Variants in DST observed in about 807,000 individuals in gnomAD.
DST encodes bullous pemphigoid antigen.
Under a neutral mutation model 875.2 loss-of-function variants are expected in DST, and 253 were observed. The observed-to-expected ratio is 0.29, with a 90% CI of 0.26 to 0.32. The LOEUF (loss-of-function observed/expected upper bound fraction) is 0.32. Among genes scored for constraint, DST ranks in the 10% least tolerant of loss-of-function variants. The pLI, the probability that DST is intolerant of heterozygous loss-of-function variation, is 1.00. For missense variants in DST, 8,287 were observed against 9,111.6 expected (o/e 0.91, Z 3.68); for synonymous variants, 3,124 against 3,197.1 (o/e 0.98, Z 0.77).
intron 48 of DST, among the ~76,000 whole-genome samples, chr6:56,592,689 G>A (rs886238867): frequency 3.2e-4 from 49 of 152,132 alleles, no homozygotes; most frequent in African/African-American, 8.9e-4. Flanking sequence ...TATAGATATC[G>A]ATTTGATGGA....
At chr6:56,539,409 ATAAC>A (rs1349550098) in intron 61 of DST, among the ~76,000 whole-genome samples, 8 of 152,242 alleles carry the variant, frequency 5.3e-5, no homozygotes, top group Non-Finnish European at 1.0e-4. Flanking sequence ...AGAAAAAGGC[ATAAC>A]TAACAAGAAC....
intron 79 of DST, 91 bp downstream of exon 79, chr6:56,501,428 GA>G (rs2096120679): frequency 1.7e-6 from 2 of 1,179,790 alleles, no homozygotes; most frequent in Non-Finnish European, 2.3e-6. Flanking sequence ...ATGAGAAGCA[GA>G]AATAATTCTA....
chr6:56,503,627 A>ACACACACACC (rs1478684126), intron 78 of DST, among the ~76,000 whole-genome samples: 243 of 149,532 alleles, frequency 1.6e-3, no homozygotes, highest in East Asian at 5.9e-3. Context: ...ACACACACAC[A>ACACACACACC]CCCCATGTCC....
intron 4 of DST, among the ~76,000 whole-genome samples, chr6:56,762,371 G>C (rs943481493): frequency 6.6e-6 from 1 of 152,146 alleles, no homozygotes; most frequent in Admixed American, 6.5e-5. Context: ...AATCATCTCA[G>C]AATGGCCTAC....
At position 56,508,568 on chromosome 6, in the gene DST, A is replaced by G. The variant is rs943150663; in HGVS notation, c.19200T>C (p.Ile6400=). The G allele has an allele frequency of 6.2e-7, 1 of 1,613,790 alleles. No individual in the cohort carries two copies. ...GCTGTTGTTTTACTACTGAAGGATC[A>G]ATTCCAGGATCTTCCAGGTCCCGGA... ...DFIRDLEDPG[I]DPSVVKQQQE... Residue 6400 remains isoleucine (I), a synonymous_variant, in exon 75 of 104, where the codon ATT becomes ATC. Transcript: ENST00000680361.
chr6:56,502,854 A>G (rs943495786), intron 78 of DST, among the ~76,000 whole-genome samples: 1 of 152,180 alleles, frequency 6.6e-6, no homozygotes, highest in African/African-American at 2.4e-5. Context: ...ATATTTTCAC[A>G]TAAAATCTAG....
At chr6:56,850,147 C>T (rs1764337939) in intron 4 of DST, among the ~76,000 whole-genome samples, 2 of 152,198 alleles carry the variant, frequency 1.3e-5, no homozygotes, top group South Asian at 4.2e-4. Flanking sequence ...CTTTCTCACT[C>T]CACCCCTTGC....
At chr6:56,816,679 G>A (rs1258765460) in intron 4 of DST, among the ~76,000 whole-genome samples, 4 of 152,152 alleles carry the variant, frequency 2.6e-5, no homozygotes, top group Non-Finnish European at 5.9e-5. Flanking sequence ...CAGGACTGAG[G>A]TGGCAGTAGT....
Position 56,527,610 on chromosome 6 carries a change from C to T in DST, c.17805G>A (p.Leu5935=). 1.2e-6 allele frequency: 2 copies of T among 1,613,832 alleles called. No individual in the cohort carries two copies. Among genetic ancestry groups the T allele is most frequent in the Non-Finnish European group, 1.7e-6 (2 of 1,179,830 alleles). ...LEQALQLARR[L]HSTHEELCTW... ...TACACAGCTCTTCGTGTGTGGAGTG[C>T]AGCCGCCTTGCAAGCTGCAGCGCCT... Residue 5935 remains leucine (L), a synonymous_variant, in exon 68 of 104, where the codon CTG becomes CTA. Coordinates refer to ENST00000680361, the MANE Select transcript of DST (RefSeq NM_001374736.1).
chr6:56,915,008 G>A (rs751207275), intron 2 of DST, among the ~76,000 whole-genome samples: 3 of 152,194 alleles, frequency 2.0e-5, no homozygotes, highest in Non-Finnish European at 2.9e-5. Context: ...TCTCAGCAAC[G>A]GGCCCACAGC....
intron 64 of DST, 49 bp from the exon 65 acceptor site, chr6:56,530,182 T>G: frequency 1.4e-6 from 2 of 1,434,654 alleles, no homozygotes; most frequent in South Asian, 1.7e-5. Context: ...GTGTGAAATA[T>G]TCAACAAAAA....
chr6:56,888,423 GA>G (rs1319766008), intron 3 of DST, among the ~76,000 whole-genome samples: 2 of 152,100 alleles, frequency 1.3e-5, no homozygotes, highest in Non-Finnish European at 2.9e-5. Context: ...TTCCAAAGGG[GA>G]AAAGGAAACA....
chr6:56,515,084 A>G (rs539793214), intron 72 of DST, among the ~76,000 whole-genome samples: 25 of 152,174 alleles, frequency 1.6e-4, no homozygotes, highest in African/African-American at 5.3e-4. Flanking sequence ...ATATATTTCC[A>G]CTCTGCATTT....
At chr6:56,762,263 C>A (rs1481595499) in intron 4 of DST, among the ~76,000 whole-genome samples, 3 of 152,180 alleles carry the variant, frequency 2.0e-5, no homozygotes, top group African/African-American at 4.8e-5. Flanking sequence ...CTCAGGTGAT[C>A]CACCCGCCTT....
chr6:56,734,508 C>T lies in DST; in HGVS notation c.687+720G>A, dbSNP rs546814037. 2.0e-5 allele frequency among the ~76,000 whole-genome samples: 3 copies of T among 152,264 alleles called. No homozygotes were observed. In the South Asian group the frequency reaches 6.2e-4, roughly 32 times the overall value. Reference sequence around the variant, plus strand: ...TGACCTATTTCAACTTTAGGGCTCTCCTTAAAAGGTGGGAGAAAGGGGAAG... The same window carrying T: ...TGACCTATTTCAACTTTAGGGCTCTTCTTAAAAGGTGGGAGAAAGGGGAAG... On this transcript the variant is annotated intron_variant, in intron 5 of 103. Coordinates refer to ENST00000680361, the MANE Select transcript of DST (RefSeq NM_001374736.1).
At chr6:56,861,364 A>G (rs188563572) in intron 3 of DST, among the ~76,000 whole-genome samples, 1 of 152,348 alleles carries the variant, frequency 6.6e-6, no homozygotes, top group East Asian at 1.9e-4. Context: ...ACCAGGGATC[A>G]GTGCCTGATC....
At chr6:56,742,797 C>T (rs555590175) in intron 4 of DST, among the ~76,000 whole-genome samples, 10 of 152,244 alleles carry the variant, frequency 6.6e-5, no homozygotes, top group African/African-American at 2.2e-4. Context: ...GTGCTAGTAA[C>T]ATGATTTGGA....
intron 61 of DST, among the ~76,000 whole-genome samples, chr6:56,544,535 C>T (rs574095331): frequency 4.6e-5 from 7 of 152,182 alleles, no homozygotes; most frequent in Non-Finnish European, 8.8e-5. Flanking sequence ...ATAGCACTCA[C>T]TGTCTGCCAA....
chr6:56,925,431 ACTCT>A (rs1806539515), intron 2 of DST, among the ~76,000 whole-genome samples: 1 of 152,240 alleles, frequency 6.6e-6, no homozygotes, highest in Non-Finnish European at 1.5e-5. Flanking sequence ...GTTAAAGCAC[ACTCT>A]GCCCCTGGCA....
Sources: gnomAD v4.1 joint callset for allele counts (sites outside exome capture counted in the v4.1 genomes callset) on GRCh38, gnomAD v4.1.1 for gene constraint, MANE v1.5 for transcripts, NCBI Gene and HGNC (gene_info 2026-07-23, HGNC 2026-07-21) for gene names.